RELN: variants seen among roughly 807,000 people sequenced by gnomAD.
RELN encodes the protein reelin.
A neutral mutation model predicts 427.6 loss-of-function variants in RELN; 108 were observed. The ratio of observed to expected loss-of-function variants is 0.25; its 90% CI spans 0.22 to 0.30. The LOEUF is 0.30. Among genes scored for constraint, RELN ranks in the 10% least tolerant of loss-of-function variants. The pLI, the probability that RELN is intolerant of heterozygous loss-of-function variation, is 1.00. For missense variants in RELN, 3,715 were observed against 4,302.8 expected, an observed-to-expected ratio of 0.86 and a Z score of 3.82; for synonymous variants, 1,524 against 1,513.4, an observed-to-expected ratio of 1.01 and a Z score of -0.16.
intron 1 of RELN, among the ~76,000 whole-genome samples, chr7:103,985,133 T>C (rs1797069887): frequency 6.6e-6 from 1 of 152,188 alleles, no homozygotes; most frequent in African/African-American, 2.4e-5. Context: ...TTGATTTTCC[T>C]GTCTGTCTCA....
chr7:103,951,676 CT>C (rs34437843), intron 1 of RELN, among the ~76,000 whole-genome samples: 43 of 147,866 alleles, frequency 2.9e-4, no homozygotes, highest in East Asian at 6.0e-4. Context: ...CATTGCTAGC[CT>C]TTTTTTTTTT....
chr7:103,667,180 C>T (rs78623212), intron 11 of RELN, among the ~76,000 whole-genome samples: 2,300 of 152,262 alleles, frequency 0.015, 20 homozygotes, highest in Non-Finnish European at 0.025. Context: ...GCCTTGTTGT[C>T]ACAGCTTCAA....
chr7:103,931,377 T>C (rs1795861433), intron 1 of RELN, among the ~76,000 whole-genome samples: 1 of 152,182 alleles, frequency 6.6e-6, no homozygotes, highest in Non-Finnish European at 1.5e-5. Context: ...AGCTCTTCTA[T>C]AAAGCATTTG....
rs370595753 is a variant in RELN, at chr7:103,749,524, T to C, written c.578-20A>G. On this transcript the variant is annotated intron_variant, in intron 5 of 64. Transcript: ENST00000428762. ...TTTCAGCTAAAAGAAAAAGGAAGTA[T>C]TTAGGAAAGAAATATACTACAACAG... The C allele has an allele frequency of 1.5e-5, 23 of 1,560,416 alleles. No individual in the cohort carries two copies. The highest frequency in any genetic ancestry group is 1.9e-5 in the Non-Finnish European group (22 of 1,131,418).
intron 1 of RELN, among the ~76,000 whole-genome samples, chr7:103,965,766 T>A (rs1796648027): frequency 6.6e-6 from 1 of 152,222 alleles, no homozygotes; most frequent in Non-Finnish European, 1.5e-5. Flanking sequence ...TACAAAAGTC[T>A]AGAGTAGTTG....
rs138856852 is a variant in RELN, at chr7:103,495,813, G to A, written c.9279C>T (p.Leu3093=). The part of the protein sequence containing the change: ...AGFCGNPSFH[L]YWPNKKKDKT... ...TGTCCTTCTTTTTATTTGGCCAATA[G>A]AGGTGAAAGGATGGATTGCCACAAA... Residue 3093 remains leucine, a synonymous_variant, in exon 57 of 65, where the codon CTC becomes CTT. Transcript: ENST00000428762. 1 of 1,613,938 alleles carries A rather than the reference G, an allele frequency of 6.2e-7. No individual in the cohort carries two copies. Among genetic ancestry groups the A allele is most frequent in the African/African-American group, 1.3e-5 (1 of 74,898 alleles).
chr7:103,954,444 A>G (rs1796394314), intron 1 of RELN, among the ~76,000 whole-genome samples: 3 of 151,442 alleles, frequency 2.0e-5, no homozygotes, highest in Admixed American at 2.0e-4. Flanking sequence ...ATGTGTAAGC[A>G]TGTGTGTGTG....
chr7:103,787,474 T>C (rs1401961700), intron 3 of RELN, among the ~76,000 whole-genome samples: 1 of 151,632 alleles, frequency 6.6e-6, no homozygotes, highest in African/African-American at 2.4e-5. Flanking sequence ...AAGAATCAAA[T>C]AGTCACAATA....
At position 103,953,577 on chromosome 7, in the gene RELN, G is replaced by A. The variant is rs1248237960; in HGVS notation, c.226+35554C>T. The stretch of plus-strand genomic sequence containing the variant: ...AAATATGCCAATCTAAATACCAAAT[G>A]AGAGTGTAATCTCAACTAGCAGTCG... On this transcript the variant is annotated intron_variant, in intron 1 of 64. Coordinates refer to ENST00000428762, the MANE Select transcript of RELN (RefSeq NM_005045.4). This position sits in a 1 kb window ranked among gnomAD's most constrained non-coding sequence, Gnocchi z 4.3. Among the ~76,000 whole-genome samples the A allele has an allele frequency of 6.6e-6, 1 of 152,170 alleles. No homozygotes were observed. The highest frequency in any genetic ancestry group is 1.5e-5 in the Non-Finnish European group (1 of 68,034).
At chr7:103,647,700 AC>A (rs148870899) in intron 16 of RELN, among the ~76,000 whole-genome samples, 1,825 of 152,166 alleles carry the variant, frequency 0.012, 31 homozygotes, top group African/African-American at 0.041. Flanking sequence ...TTAGAAAAAA[AC>A]AATCCTAAAA....
At chr7:103,635,134 C>G (rs1203859993) in intron 19 of RELN, among the ~76,000 whole-genome samples, 2 of 152,170 alleles carry the variant, frequency 1.3e-5, no homozygotes, top group African/African-American at 2.4e-5. Flanking sequence ...GCTGGGATTA[C>G]AGGCATGAGC....
At chr7:103,570,651 T>C (rs1349583100) in intron 31 of RELN, among the ~76,000 whole-genome samples, 1 of 152,200 alleles carries the variant, frequency 6.6e-6, no homozygotes, top group Non-Finnish European at 1.5e-5. Flanking sequence ...ACATGGTAGG[T>C]TTACGCTTCT....
chr7:103,944,244 A>T (rs1796174855), intron 1 of RELN, among the ~76,000 whole-genome samples: 1 of 152,052 alleles, frequency 6.6e-6, no homozygotes, highest in Non-Finnish European at 1.5e-5. Context: ...GAAAAAACTG[A>T]TTTTTTTTCT....
chr7:103,929,722 A>T (rs981237443), intron 1 of RELN, among the ~76,000 whole-genome samples: 1 of 152,220 alleles, frequency 6.6e-6, no homozygotes, highest in Non-Finnish European at 1.5e-5. Flanking sequence ...CATTTTAAAC[A>T]GTGAAATCAC....
chr7:103,628,825 T>C (rs970187817), intron 20 of RELN, among the ~76,000 whole-genome samples: 2 of 152,218 alleles, frequency 1.3e-5, no homozygotes, highest in African/African-American at 4.8e-5. Flanking sequence ...AGAGGGGCAG[T>C]ATACACAGTG....
chr7:103,498,884 G>T (rs992946036), intron 53 of RELN, among the ~76,000 whole-genome samples: 2 of 152,150 alleles, frequency 1.3e-5, no homozygotes, highest in Non-Finnish European at 1.5e-5. Context: ...GTATATAAAA[G>T]TATTATTGTA....
rs531858868 is a variant in RELN at position 103,563,446 on chromosome 7, G to A, written c.5211-1493C>T. ...ATTAAAAGCTTACAGAATAACGATAGAAAGAAAACATTTTTGTACAGCTGT... is the reference window on the plus strand; with the variant it reads ...ATTAAAAGCTTACAGAATAACGATAAAAAGAAAACATTTTTGTACAGCTGT... On this transcript the variant is annotated intron_variant, in intron 34 of 64. Transcript: ENST00000428762. The surrounding 1 kb of genome is among the most constrained non-coding windows in gnomAD (Gnocchi z 4.1). Among the ~76,000 whole-genome samples the A allele has an allele frequency of 6.6e-6, 1 of 152,258 alleles. No homozygotes were observed. The highest frequency in any genetic ancestry group is 2.1e-4 in the South Asian group (1 of 4,822).
At chr7:103,857,752 C>T (rs1793980147) in intron 2 of RELN, among the ~76,000 whole-genome samples, 1 of 152,132 alleles carries the variant, frequency 6.6e-6, no homozygotes, top group African/African-American at 2.4e-5. Flanking sequence ...GCACTAAACA[C>T]CACCAATCAG....
chr7:103,832,769 A>C (rs1793305495), intron 3 of RELN, among the ~76,000 whole-genome samples: 1 of 152,094 alleles, frequency 6.6e-6, no homozygotes, highest in African/African-American at 2.4e-5. Context: ...GAGAGTTGTT[A>C]GTTTCTACAG....
Sources: gnomAD v4.1 joint callset for allele counts (sites outside exome capture counted in the v4.1 genomes callset) on GRCh38, gnomAD v4.1.1 for gene constraint, Gnocchi (gnomAD v3.1) non-coding constraint, MANE v1.5 for transcripts, NCBI Gene and HGNC (gene_info 2026-07-23, HGNC 2026-07-21) for gene names.